MAPK8IP1: variants seen among roughly 807,000 people sequenced by gnomAD.
The protein encoded by MAPK8IP1 is C-Jun-amino-terminal kinase-interacting protein 1.
A neutral mutation model predicts 72.6 loss-of-function variants in MAPK8IP1; 17 were observed. The observed-to-expected ratio is 0.23, with a 90% CI of 0.16 to 0.35. The LOEUF (loss-of-function observed/expected upper bound fraction) is 0.35. Among genes scored for constraint, MAPK8IP1 ranks in the 10% least tolerant of loss-of-function variants. The pLI, the probability that MAPK8IP1 is intolerant of heterozygous loss-of-function variation, is 1.00. For synonymous variants in MAPK8IP1, 401 were observed against 443.4 expected (o/e 0.90, Z 1.20); for missense variants, 789 against 1,009.7 (o/e 0.78, Z 2.96).
Position 45,902,700 on chromosome 11 carries a change from C to G in MAPK8IP1, c.933C>G (p.Ser311=). The change falls in exon 5 of 12, where the codon TCC becomes TCG. Residue 311 remains serine, a synonymous_variant. Transcript: ENST00000241014. The surrounding 1 kb of genome is among the most constrained non-coding windows in gnomAD (Gnocchi z 9.3). ...PPTESRMSVS[S]DPDPAAYPST... ...CTGAGAGCCGGATGTCAGTCAGCTCCGATCCAGACCCTGCCGCCTACCCCT... is the reference window on the plus strand; with the variant it reads ...CTGAGAGCCGGATGTCAGTCAGCTCGGATCCAGACCCTGCCGCCTACCCCT... 3 of 1,610,236 alleles carry G rather than the reference C, an allele frequency of 1.9e-6. No homozygotes were observed. The highest frequency in any genetic ancestry group is 1.7e-5 in the Admixed American group (1 of 60,004).
chr11:45,893,877 G>A (rs1300511194), intron 1 of MAPK8IP1, among the ~76,000 whole-genome samples: 1 of 150,482 alleles, frequency 6.6e-6, no homozygotes, highest in Admixed American at 6.6e-5. Context: ...TGTCTGTTTA[G>A]CCTTCTCTCC....
At position 45,904,427 on chromosome 11, in the gene MAPK8IP1, CCCT is replaced by C; in HGVS notation, c.1667-23_1667-21del. On this transcript the variant is annotated intron_variant, in intron 7 of 11. Coordinates refer to ENST00000241014, the MANE Select transcript of MAPK8IP1 (RefSeq NM_005456.4). This position sits in a 1 kb window ranked among gnomAD's most constrained non-coding sequence, Gnocchi z 6.4. ...CTCAGCTCCCTCCTGCTCTTTCTGCCCCTCCTCAATTCACGCTTGCTTTCCAGC... is the reference window on the plus strand; with the variant it reads ...CTCAGCTCCCTCCTGCTCTTTCTGCCCCTCAATTCACGCTTGCTTTCCAGC... 2 of 1,575,646 alleles carry C rather than the reference CCCT, an allele frequency of 1.3e-6. No individual in the cohort carries two copies. Among genetic ancestry groups the C allele is most frequent in the East Asian group, 2.2e-5 (1 of 44,696 alleles).
At chr11:45,895,633 A>T (rs866701925) in intron 1 of MAPK8IP1, among the ~76,000 whole-genome samples, 53 of 42,522 alleles carry the variant, frequency 1.2e-3, no homozygotes, top group African/African-American at 2.0e-3. Flanking sequence ...AAAAAAAAAA[A>T]ATATATATAT....
intron 1 of MAPK8IP1, among the ~76,000 whole-genome samples, chr11:45,895,157 A>AT (rs1424169704): frequency 6.6e-6 from 1 of 152,098 alleles, no homozygotes; most frequent in East Asian, 1.9e-4. Context: ...GGCGGGAGGG[A>AT]TGATGGCATT....
rs2086658354 is a variant in MAPK8IP1, at chr11:45,902,124, A to G, written c.604+63A>G. ...TGCCCTGACTCAGTCCCCACTACAGAGAGCAAACCCTACAGTCTCCAAAGG... is the reference window on the plus strand; with the variant it reads ...TGCCCTGACTCAGTCCCCACTACAGGGAGCAAACCCTACAGTCTCCAAAGG... On this transcript the variant is annotated intron_variant, in intron 4 of 11. Transcript: ENST00000241014. This position sits in a 1 kb window ranked among gnomAD's most constrained non-coding sequence, Gnocchi z 9.3. 1 of 1,418,386 alleles carries G rather than the reference A, an allele frequency of 7.1e-7. No individual in the cohort carries two copies. Among genetic ancestry groups the G allele is most frequent in the Admixed American group, 1.7e-5 (1 of 59,762 alleles). The allele number at this position is 1,418,386 out of a possible 1,614,324, so 87.9% of individuals were successfully genotyped here.
chr11:45,887,115 A>G (rs901516845), intron 1 of MAPK8IP1, among the ~76,000 whole-genome samples: 1 of 152,168 alleles, frequency 6.6e-6, no homozygotes, highest in Non-Finnish European at 1.5e-5. Context: ...TCCACCTGGC[A>G]TGGTGCATGA....
chr11:45,903,345 C>T lies in MAPK8IP1; in HGVS notation c.1418-20C>T, dbSNP rs756770666. The T allele has an allele frequency of 6.2e-7, 1 of 1,612,572 alleles. No individual in the cohort carries two copies. Among genetic ancestry groups the T allele is most frequent in the Non-Finnish European group, 8.5e-7 (1 of 1,178,996 alleles). ...ATCAGAGCTGCGACCCCCCATCCAG[C>T]CACACCACCTCACCTGCAGGTGCTG... On this transcript the variant is annotated intron_variant, in intron 5 of 11. Transcript: ENST00000241014. The surrounding 1 kb of genome is among the most constrained non-coding windows in gnomAD (Gnocchi z 6.4).
rs139939559 is a variant in MAPK8IP1, at chr11:45,894,794, G to A, written c.102-3291G>A. Among the ~76,000 whole-genome samples the A allele has an allele frequency of 1.7e-3, 258 of 152,334 alleles. 1 individual carries two copies. Among genetic ancestry groups the A allele is most frequent in the African/African-American group, 6.1e-3 (252 of 41,572 alleles). On this transcript the variant is annotated intron_variant, in intron 1 of 11. Transcript: ENST00000241014. ...GATCACCTGCTGGGTACAGTATAGGGTCATCAATCAGGGTGCTGGATACAG... is the reference window on the plus strand; with the variant it reads ...GATCACCTGCTGGGTACAGTATAGGATCATCAATCAGGGTGCTGGATACAG...
Position 45,904,901 on chromosome 11 carries a change from G to GAGGCCATCTCCTGTCACCCTCACTGC in MAPK8IP1, c.1894-63_1894-38dup. The stretch of plus-strand genomic sequence containing the variant: ...GCTCTCCCCCAAGACTTGTGATGAA[G>GAGGCCATCTCCTGTCACCCTCACTGC]AGGCCATCTCCTGTCACCCTCACTG... On this transcript the variant is annotated intron_variant, in intron 9 of 11. Coordinates refer to ENST00000241014, the MANE Select transcript of MAPK8IP1 (RefSeq NM_005456.4). This position sits in a 1 kb window ranked among gnomAD's most constrained non-coding sequence, Gnocchi z 6.4. 1 of 1,602,446 alleles carries GAGGCCATCTCCTGTCACCCTCACTGC rather than the reference G, an allele frequency of 6.2e-7. No individual in the cohort carries two copies. Among genetic ancestry groups the GAGGCCATCTCCTGTCACCCTCACTGC allele is most frequent in the Non-Finnish European group, 8.6e-7 (1 of 1,169,516 alleles).
Position 45,898,093 on chromosome 11 carries a change from A to C in MAPK8IP1, c.110A>C (p.His37Pro). Residue 37 changes from histidine (H) to proline (P), a missense_variant, in exon 2 of 12, where the codon CAT (histidine) becomes CCT (proline). Physicochemically the swap from His to Pro is moderately conservative, Grantham distance 77. This residue lies in a region of MAPK8IP1 where 112 missense variants were observed against 111.8 expected (regional missense o/e 1.00). Transcript: ENST00000241014. ...CTTCCTGTCCCCACCAGGCTCACCC[A>C]TGACATCAGCCTGGAGGAGTTTGAG... ...IASPPNFRLT[H>P]DISLEEFEDE... is the part of the protein sequence containing the mutation. 6.2e-7 allele frequency: 1 copy of C among 1,611,670 alleles called. No individual in the cohort carries two copies. Among genetic ancestry groups the C allele is most frequent in the Non-Finnish European group, 8.5e-7 (1 of 1,177,906 alleles).
intron 1 of MAPK8IP1, chr11:45,896,963 G>A (rs761595440): frequency 2.2e-5 from 34 of 1,561,342 alleles, no homozygotes; most frequent in South Asian, 8.3e-5. Flanking sequence ...AGGGGCTACC[G>A]GGGCTGGCGG....
chr11:45,902,529 C>T lies in MAPK8IP1; in HGVS notation c.762C>T (p.Ala254=). The change falls in exon 5 of 12, where the codon GCC becomes GCT. Residue 254 remains alanine, a synonymous_variant. Coordinates refer to ENST00000241014, the MANE Select transcript of MAPK8IP1 (RefSeq NM_005456.4). The surrounding 1 kb of genome is among the most constrained non-coding windows in gnomAD (Gnocchi z 9.3). ...QMAPPGGPPA[A]PPGGRGHSHR... ...CACCTCCGGGTGGTCCCCCTGCTGC[C>T]CCGCCTGGGGGTCGGGGCCACTCGC... The T allele has an allele frequency of 1.9e-6, 3 of 1,611,512 alleles. No individual in the cohort carries two copies. Among genetic ancestry groups the T allele is most frequent in the Non-Finnish European group, 2.5e-6 (3 of 1,179,378 alleles).
In MAPK8IP1 at chr11:45,898,114, T is replaced by C; in HGVS notation, c.131T>C (p.Phe44Ser). 6.2e-7 allele frequency: 1 copy of C among 1,613,728 alleles called. No homozygotes were observed. Among genetic ancestry groups the C allele is most frequent in the Non-Finnish European group, 8.5e-7 (1 of 1,179,762 alleles). Residue 44 changes from phenylalanine to serine, a missense_variant, in exon 2 of 12, where the codon TTT (phenylalanine) becomes TCT (serine). This residue lies in a region of MAPK8IP1 where 112 missense variants were observed against 111.8 expected (regional missense o/e 1.00). Coordinates refer to ENST00000241014, the MANE Select transcript of MAPK8IP1 (RefSeq NM_005456.4). ...RLTHDISLEE[F>S]EDEDLSEITD... is the part of the protein sequence containing the mutation. Reference sequence around the variant, plus strand: ...ACCCATGACATCAGCCTGGAGGAGTTTGAGGATGAAGACCTCTCGGAGATC... The same window carrying C: ...ACCCATGACATCAGCCTGGAGGAGTCTGAGGATGAAGACCTCTCGGAGATC...
chr11:45,902,990 A>T lies in MAPK8IP1; in HGVS notation c.1223A>T (p.Asp408Val). 6.2e-7 allele frequency: 1 copy of T among 1,611,656 alleles called. No homozygotes were observed. The change falls in exon 5 of 12, where the codon GAC (aspartate) becomes GTC (valine). Residue 408 changes from aspartate (D) to valine (V), a missense_variant. Asp to Val is a radical substitution (Grantham distance 152). Transcript: ENST00000241014. The surrounding 1 kb of genome is among the most constrained non-coding windows in gnomAD (Gnocchi z 9.3). ...PCFGDYSDES[D>V]SATVYDNCAS... ...TTCGGAGACTACAGTGACGAGAGTGACTCTGCCACCGTCTATGACAACTGT... is the reference window on the plus strand; with the variant it reads ...TTCGGAGACTACAGTGACGAGAGTGTCTCTGCCACCGTCTATGACAACTGT...
Position 45,903,148 on chromosome 11 carries a change from C to T in MAPK8IP1, c.1381C>T (p.Leu461=). The T allele has an allele frequency of 6.2e-7, 1 of 1,606,438 alleles. No homozygotes were observed. The highest frequency in any genetic ancestry group is 8.5e-7 in the Non-Finnish European group (1 of 1,176,528). The change falls in exon 5 of 12, where the codon CTG becomes TTG. Residue 461 remains leucine (L), a synonymous_variant. Transcript: ENST00000241014. This position sits in a 1 kb window ranked among gnomAD's most constrained non-coding sequence, Gnocchi z 6.4. ...CGACGTCCATTTCTCCAAGAAATTC[C>T]TGAACGTCTTCATGAGTGGCCGCTC... The part of the protein sequence containing the change: ...EPDVHFSKKF[L]NVFMSGRSRS...
chr11:45,893,442 G>A (rs1181188997), intron 1 of MAPK8IP1, among the ~76,000 whole-genome samples: 2 of 152,174 alleles, frequency 1.3e-5, no homozygotes, highest in African/African-American at 4.8e-5. Flanking sequence ...AGCAAGGACT[G>A]GGGCAGCAGA....
chr11:45,898,378 G>GTAT (rs1328262605), intron 2 of MAPK8IP1, among the ~76,000 whole-genome samples, 188 bp downstream of exon 2: 5 of 152,078 alleles, frequency 3.3e-5, no homozygotes, highest in African/African-American at 7.2e-5. Flanking sequence ...ATTTCATTTG[G>GTAT]TATTATTATT....
rs534551464 is a variant in MAPK8IP1 at position 45,906,359 on chromosome 11, A to G, written c.*638A>G. On this transcript the variant is annotated 3_prime_UTR_variant, in exon 12 of 12. Coordinates refer to ENST00000241014, the MANE Select transcript of MAPK8IP1 (RefSeq NM_005456.4). ...CAGGCGGGGAGGAGGAGCTGCCGCAAGGCCCTGTCCCAGCAGAAGAGGGAG... is the reference window on the plus strand; with the variant it reads ...CAGGCGGGGAGGAGGAGCTGCCGCAGGGCCCTGTCCCAGCAGAAGAGGGAG... 467 of 535,310 alleles carry G rather than the reference A, an allele frequency of 8.7e-4. 4 individuals carry two copies. The highest frequency in any genetic ancestry group is 9.4e-4 in the Non-Finnish European group (315 of 335,556). The allele number at this position is 535,310 out of a possible 1,614,324, so 33.2% of individuals were successfully genotyped here.
At chr11:45,895,631 AAAATATATAT>A (rs1268173174) in intron 1 of MAPK8IP1, among the ~76,000 whole-genome samples, 1,087 of 34,636 alleles carry the variant, frequency 0.031, 41 homozygotes, top group African/African-American at 0.059. Context: ...AAAAAAAAAA[AAAATATATAT>A]ATATATATAT....
Sources: allele counts gnomAD v4.1 joint callset (sites outside exome capture counted in the v4.1 genomes callset), GRCh38; gene constraint gnomAD v4.1.1; regional missense constraint gnomAD v4.1.1; non-coding constraint Gnocchi (gnomAD v3.1); transcripts MANE v1.5; gene names NCBI Gene and HGNC (gene_info 2026-07-23, HGNC 2026-07-21).